Variants in CD101 observed in about 807,000 individuals in gnomAD.
CD101 encodes immunoglobulin superfamily member 2.
A neutral mutation model predicts 98.2 loss-of-function variants in CD101; 76 were observed. The ratio of observed to expected loss-of-function variants is 0.77; its 90% confidence interval spans 0.64 to 0.94. The LOEUF is 0.94. Ranked by LOEUF, CD101 falls within the 40% of genes least tolerant of loss-of-function variation. The pLI, the probability that CD101 is intolerant of heterozygous loss-of-function variation, is 0.00. For missense variants in CD101, 1,145 were observed against 1,218.8 expected (o/e 0.94, Z 0.90); for synonymous variants, 471 against 472.7 (o/e 1.00, Z 0.05).
intron 8 of CD101, 123 bp downstream of exon 8, chr1:117,026,027 T>G: frequency 9.5e-7 from 1 of 1,055,336 alleles, no homozygotes; most frequent in Admixed American, 2.8e-5. Flanking sequence ...AAGACAATTT[T>G]CAGGTTCCCT....
chr1:117,026,083 C>T, intron 8 of CD101, 179 bp downstream of exon 8: 1 of 608,094 alleles, frequency 1.6e-6, no homozygotes. Context: ...CTCATTTGAA[C>T]AAACAAGGTC....
Position 117,004,533 on chromosome 1 carries a change from C to T in CD101, c.43+2673C>T, listed in dbSNP as rs2101109948. Among the ~76,000 whole-genome samples the T allele has an allele frequency of 6.6e-6, 1 of 152,172 alleles. No homozygotes were observed. Among genetic ancestry groups the T allele is most frequent in the Admixed American group, 6.5e-5 (1 of 15,282 alleles). ...TGATTCTAATGTTAGTATGTCAGTGCCAAGCTTTGTACTCATCAGCCAACA... is the reference window on the plus strand; with the variant it reads ...TGATTCTAATGTTAGTATGTCAGTGTCAAGCTTTGTACTCATCAGCCAACA... On this transcript the variant is annotated intron_variant, in intron 1 of 9. Coordinates refer to ENST00000682167, the MANE Select transcript of CD101 (RefSeq NM_001256106.3). The surrounding 1 kb of genome is among the most constrained non-coding windows in gnomAD (Gnocchi z 4.1).
At position 117,010,192 on chromosome 1, in the gene CD101, A is replaced by G. The variant is rs774778994; in HGVS notation, c.386A>G (p.Lys129Arg). The G allele has an allele frequency of 1.3e-5, 21 of 1,614,088 alleles. No individual in the cohort carries two copies. Among genetic ancestry groups the G allele is most frequent in the Middle Eastern group, 3.3e-4 (2 of 6,056 alleles). ...TGTCACACACCAAACACTGATGAGAAATACTATGGAAGTTACAGTGCAAAG... is the reference window on the plus strand; with the variant it reads ...TGTCACACACCAAACACTGATGAGAGATACTATGGAAGTTACAGTGCAAAG... The part of the protein sequence containing the change: ...YECHTPNTDE[K>R]YYGSYSAKTN... Residue 129 changes from lysine to arginine, a missense_variant, in exon 2 of 10, where the codon AAA becomes AGA. By Grantham distance (26) the Lys-to-Arg change is conservative. Coordinates refer to ENST00000682167, the MANE Select transcript of CD101 (RefSeq NM_001256106.3). This position sits in a 1 kb window ranked among gnomAD's most constrained non-coding sequence, Gnocchi z 5.2.
intron 9 of CD101, among the ~76,000 whole-genome samples, chr1:117,035,088 G>A (rs1368675061): frequency 6.6e-6 from 1 of 152,240 alleles, no homozygotes; most frequent in East Asian, 1.9e-4. Context: ...AAAAGCAGCC[G>A]GTGGGGGTGG....
At position 117,011,583 on chromosome 1, in the gene CD101, C is replaced by A. The variant is rs1652889453; in HGVS notation, c.458C>A (p.Ser153Tyr). 6.2e-7 allele frequency: 1 copy of A among 1,613,820 alleles called. No individual in the cohort carries two copies. Among genetic ancestry groups the A allele is most frequent in the Non-Finnish European group, 8.5e-7 (1 of 1,179,914 alleles). ...IPDTLSATMSSQTLGKEEGEP... is the reference protein window; with the variant it reads ...IPDTLSATMSYQTLGKEEGEP... ...GATACCCTCTCTGCCACCATGAGTT[C>A]TCAGACTCTCGGTAAGGAGGAAGGT... is the stretch of plus-strand genomic sequence containing the variant. Residue 153 changes from serine (S) to tyrosine (Y), a missense_variant, in exon 3 of 10, where the codon TCT becomes TAT. Physicochemically the swap from Ser to Tyr is moderately radical, Grantham distance 144. Transcript: ENST00000682167.
chr1:117,011,556 C>T lies in CD101; in HGVS notation c.431C>T (p.Pro144Leu), dbSNP rs765253442. Residue 144 changes from proline to leucine, a missense_variant, in exon 3 of 10, where the codon CCA (proline) becomes CTA (leucine). Coordinates refer to ENST00000682167, the MANE Select transcript of CD101 (RefSeq NM_001256106.3). ...YSAKTNLIVI[P>L]DTLSATMSSQ... is the part of the protein sequence containing the mutation. ...ATCATTCCTTTGTTTCCAGTTATTC[C>T]AGATACCCTCTCTGCCACCATGAGT... 1 of 1,611,832 alleles carries T rather than the reference C, an allele frequency of 6.2e-7. No individual in the cohort carries two copies. Among genetic ancestry groups the T allele is most frequent in the Non-Finnish European group, 8.5e-7 (1 of 1,178,936 alleles).
chr1:117,008,191 G>A (rs776040357), intron 1 of CD101, among the ~76,000 whole-genome samples: 7 of 152,150 alleles, frequency 4.6e-5, no homozygotes, highest in Non-Finnish European at 1.0e-4. Context: ...GAGGCTGAGC[G>A]CAGTGGCTCA....
rs760988776 is a variant in CD101, at chr1:117,017,102, TCATGTC to T, written c.1242_1247del (p.Met415_Ser416del). On this transcript the variant is annotated inframe_deletion, in exon 5 of 10. Transcript: ENST00000682167. Reference sequence around the variant, plus strand: ...CTGTAACTCACAGCAAGAAGTGTGGTCATGTCTACCAAGAACAAGCAGCAAGTTGTG... The same window carrying T: ...CTGTAACTCACAGCAAGAAGTGTGGTTACCAAGAACAAGCAGCAAGTTGTG... 3 of 1,613,614 alleles carry T rather than the reference TCATGTC, an allele frequency of 1.9e-6. No homozygotes were observed. Among genetic ancestry groups the T allele is most frequent in the South Asian group, 2.2e-5 (2 of 91,012 alleles).
chr1:117,023,447 T>G lies in CD101; in HGVS notation c.2428+1464T>G, dbSNP rs1326245873. 1.3e-5 allele frequency among the ~76,000 whole-genome samples: 2 copies of G among 152,160 alleles called. No individual in the cohort carries two copies. Among genetic ancestry groups the G allele is most frequent in the Non-Finnish European group, 2.9e-5 (2 of 68,034 alleles). ...TTTTTCTTTTTTTTTAGACGGAGTC[T>G]TGCTCTGTTGCTCAGGCTGGAGTCA... On this transcript the variant is annotated intron_variant, in intron 7 of 9. Transcript: ENST00000682167. The surrounding 1 kb of genome is among the most constrained non-coding windows in gnomAD (Gnocchi z 4.4).
chr1:117,020,515 G>A (rs1653514189), intron 6 of CD101, among the ~76,000 whole-genome samples: 1 of 152,224 alleles, frequency 6.6e-6, no homozygotes, highest in Non-Finnish European at 1.5e-5. Flanking sequence ...CTGCACTCCA[G>A]CCTGGGCGAC....
In CD101 at chr1:117,010,514, C is replaced by G. The variant is rs1052506344; in HGVS notation, c.424+284C>G. 6.6e-6 allele frequency among the ~76,000 whole-genome samples: 1 copy of G among 152,230 alleles called. No individual in the cohort carries two copies. Among genetic ancestry groups the G allele is most frequent in the Admixed American group, 6.5e-5 (1 of 15,288 alleles). On this transcript the variant is annotated intron_variant, in intron 2 of 9. Transcript: ENST00000682167. The surrounding 1 kb of genome is among the most constrained non-coding windows in gnomAD (Gnocchi z 5.2). ...CTCCATAGGTTGCTAGTAGCAACAG[C>G]ATTCAACAAAGCTGTGAGAGTTCTC...
Position 117,013,731 on chromosome 1 carries a change from C to T in CD101, c.1167C>T (p.Ser389=), listed in dbSNP as rs74876983. Residue 389 remains serine, a synonymous_variant, in exon 4 of 10, where the codon TCC becomes TCT. Transcript: ENST00000682167. The stretch of plus-strand genomic sequence containing the variant: ...AGGTCATGAAAACACGCACAGGTTC[C>T]TGGCAGGTGCTTCAGAGAAAGCAGT... ...VAEVMKTRTG[S]WQVLQRKQSP... 2,410 of 1,613,884 alleles carry T rather than the reference C, an allele frequency of 1.5e-3. 23 individuals carry two copies. The African/African-American group carries it at 0.028, about 19-fold the overall frequency.
intron 1 of CD101, among the ~76,000 whole-genome samples, chr1:117,008,636 A>T (rs951612212): frequency 6.6e-6 from 1 of 151,910 alleles, no homozygotes; most frequent in Non-Finnish European, 1.5e-5. Context: ...GTTCCCTCCT[A>T]TCCCTTAGAA....
At chr1:117,025,941 G>C in intron 8 of CD101, 37 bp downstream of exon 8, 4 of 1,567,428 alleles carry the variant, frequency 2.6e-6, no homozygotes, top group Non-Finnish European at 2.6e-6. Flanking sequence ...CTCATGGTCA[G>C]GAGAATACAT....
chr1:117,012,283 C>G lies in CD101; in HGVS notation c.841+317C>G, dbSNP rs540679675. ...CATTATCTACATTATCTAATTTAGT[C>G]GTAACCACCACCCTATGAGGCAAGT... On this transcript the variant is annotated intron_variant, in intron 3 of 9. Coordinates refer to ENST00000682167, the MANE Select transcript of CD101 (RefSeq NM_001256106.3). This position sits in a 1 kb window ranked among gnomAD's most constrained non-coding sequence, Gnocchi z 4.0. Among the ~76,000 whole-genome samples, 1 of 152,170 alleles carries G rather than the reference C, an allele frequency of 6.6e-6. No individual in the cohort carries two copies. The highest frequency in any genetic ancestry group is 2.4e-5 in the African/African-American group (1 of 41,436).
chr1:117,016,712 A>G (rs936671018), intron 4 of CD101, among the ~76,000 whole-genome samples: 1 of 152,216 alleles, frequency 6.6e-6, no homozygotes, highest in Non-Finnish European at 1.5e-5. Flanking sequence ...TTTAAAAATT[A>G]GCCAGCATGT....
chr1:117,009,897 C>T lies in CD101; in HGVS notation c.91C>T (p.Leu31=). The T allele has an allele frequency of 6.2e-7, 1 of 1,613,434 alleles. No individual in the cohort carries two copies. The highest frequency in any genetic ancestry group is 8.5e-7 in the Non-Finnish European group (1 of 1,179,668). The change falls in exon 2 of 10, where the codon CTG becomes TTG. Residue 31 remains leucine (L), a synonymous_variant. Coordinates refer to ENST00000682167, the MANE Select transcript of CD101 (RefSeq NM_001256106.3). ...AGAAGTAACAGTTCAGAAAGGACCA[C>T]TGTTTAGAGCTGAAGGTTACCCAGT... ...QREVTVQKGP[L]FRAEGYPVSI...
At chr1:117,017,872 T>C (rs1056002532) in intron 5 of CD101, among the ~76,000 whole-genome samples, 1 of 151,684 alleles carries the variant, frequency 6.6e-6, no homozygotes. Context: ...GGGTGGGGAG[T>C]GCTCCACCCA....
chr1:117,002,996 G>C (rs1652328696), intron 1 of CD101, among the ~76,000 whole-genome samples: 3 of 152,146 alleles, frequency 2.0e-5, no homozygotes, highest in Admixed American at 2.0e-4. Context: ...TTGCTTTATA[G>C]CTGGGCATGG....
Sources: gnomAD v4.1 joint callset for allele counts (sites outside exome capture counted in the v4.1 genomes callset) on GRCh38, gnomAD v4.1.1 for gene constraint, Gnocchi (gnomAD v3.1) non-coding constraint, MANE v1.5 for transcripts, NCBI Gene and HGNC (gene_info 2026-07-23, HGNC 2026-07-21) for gene names.